The following SPATA13 variants were observed in gnomAD, a reference collection of about 807,000 sequenced individuals.
SPATA13 encodes spermatogenesis-associated protein 13.
A neutral mutation model predicts 104.0 loss-of-function variants in SPATA13; 50 were observed. The ratio of observed to expected loss-of-function variants is 0.48; its 90% confidence interval spans 0.38 to 0.61. The LOEUF (loss-of-function observed/expected upper bound fraction) is 0.61. Among genes scored for constraint, SPATA13 ranks in the 20% least tolerant of loss-of-function variants. The probability of loss-of-function intolerance (pLI) is 0.00; values close to 1 mark genes in which losing one functional copy is unlikely to be tolerated. For synonymous variants in SPATA13, 606 were observed against 667.5 expected, an observed-to-expected ratio of 0.91 and a Z score of 1.42; for missense variants, 1,524 against 1,690.6, an observed-to-expected ratio of 0.90 and a Z score of 1.73.
At position 24,291,742 on chromosome 13, in the gene SPATA13, TTTTTTA is replaced by T. The variant is rs1422429945; in HGVS notation, c.3080+864_3080+869del. ...AAATACACTCTCTCTCTGTCTTTAT[TTTTTTA>T]TTTTTTTATTTTTTTTTTTGAGACG... On this transcript the variant is annotated intron_variant, in intron 9 of 12. Transcript: ENST00000382108. 1.4e-4 allele frequency among the ~76,000 whole-genome samples: 10 copies of T among 72,074 alleles called. 1 individual carries two copies. Among genetic ancestry groups the T allele is most frequent in the African/African-American group, 4.6e-4 (8 of 17,452 alleles). The allele number at this position is 72,074 out of a possible 152,430, so 47.3% of individuals were successfully genotyped here. A position where few individuals can be genotyped will look rare whatever the true frequency, so the allele number is the denominator to read the frequency against.
intron 4 of SPATA13, among the ~76,000 whole-genome samples, chr13:24,278,129 C>G (rs1415333416): frequency 6.6e-6 from 1 of 152,132 alleles, no homozygotes; most frequent in African/African-American, 2.4e-5. Flanking sequence ...CGGCTGCTCT[C>G]CAGAATGGGA....
At chr13:24,160,445 T>A (rs189817953), upstream of SPATA13, among the ~76,000 whole-genome samples, 2 of 152,072 alleles carry the variant, frequency 1.3e-5, no homozygotes, top group African/African-American at 4.8e-5. Context: ...GGTTTCACCA[T>A]GTTGGCCAAG....
intron 3 of SPATA13, among the ~76,000 whole-genome samples, chr13:24,116,483 G>C (rs374678681): frequency 3.3e-5 from 5 of 152,154 alleles, no homozygotes; most frequent in Non-Finnish European, 7.3e-5. Context: ...GGTGGCTGCC[G>C]CAGTAGCATT....
At chr13:24,283,495 G>C (rs140239620) in intron 4 of SPATA13, among the ~76,000 whole-genome samples, 44 of 152,330 alleles carry the variant, frequency 2.9e-4, no homozygotes, top group African/African-American at 1.0e-3. Context: ...CTTTGCCAAG[G>C]GTGGCTCATT....
intron 1 of SPATA13, among the ~76,000 whole-genome samples, chr13:24,171,953 T>A (rs966067261): frequency 2.0e-5 from 3 of 152,168 alleles, no homozygotes; most frequent in Admixed American, 6.5e-5. Context: ...CATTTTTAGA[T>A]CATTCGGAGG....
chr13:24,147,378 T>A (rs895337211), intron 3 of SPATA13, among the ~76,000 whole-genome samples: 7 of 152,104 alleles, frequency 4.6e-5, no homozygotes, highest in African/African-American at 1.4e-4. Context: ...AGGGGCAGAG[T>A]GTCACCATCA....
intron 3 of SPATA13, among the ~76,000 whole-genome samples, chr13:24,095,257 A>G (rs1233089047): frequency 6.6e-6 from 1 of 152,288 alleles, no homozygotes; most frequent in Non-Finnish European, 1.5e-5. Context: ...AGCCTGTTAC[A>G]TGCTATAACA....
At chr13:24,062,055 T>C (rs1335057527) in intron 3 of SPATA13, among the ~76,000 whole-genome samples, 1 of 152,214 alleles carries the variant, frequency 6.6e-6, no homozygotes, top group African/African-American at 2.4e-5. Flanking sequence ...AGAGGTGTTA[T>C]GTGCGATGGA....
chr13:24,195,078 A>G (rs546219975), intron 1 of SPATA13, among the ~76,000 whole-genome samples: 4 of 152,306 alleles, frequency 2.6e-5, no homozygotes, highest in Admixed American at 6.5e-5. Flanking sequence ...CCCCGCAAAG[A>G]AACCCCAATT....
At chr13:24,122,315 T>C in intron 3 of SPATA13, 1 of 1,396,978 alleles carries the variant, frequency 7.2e-7, no homozygotes, top group South Asian at 1.2e-5. Context: ...AAACTATCGA[T>C]TTGAATAGTT....
At chr13:24,055,419 C>T (rs528912829) in intron 3 of SPATA13, among the ~76,000 whole-genome samples, 1 of 152,252 alleles carries the variant, frequency 6.6e-6, no homozygotes, top group East Asian at 1.9e-4. Context: ...TTCTGTCTGC[C>T]TAGGGAGATG....
intron 2 of SPATA13, among the ~76,000 whole-genome samples, chr13:24,236,723 A>C (rs1219236474): frequency 6.6e-6 from 1 of 152,102 alleles, no homozygotes; most frequent in Non-Finnish European, 1.5e-5. Context: ...TAGAATGGCT[A>C]CTATAAAAAA....
At chr13:24,215,066 C>T (rs1018378481) in intron 1 of SPATA13, among the ~76,000 whole-genome samples, 12 of 152,292 alleles carry the variant, frequency 7.9e-5, no homozygotes, top group African/African-American at 1.9e-4. Context: ...TCCCTGAGGA[C>T]GCGCTGGCAA....
chr13:24,188,997 C>T (rs1032428732), intron 1 of SPATA13, among the ~76,000 whole-genome samples: 1 of 152,170 alleles, frequency 6.6e-6, no homozygotes, highest in African/African-American at 2.4e-5. Flanking sequence ...TTGAGACCTA[C>T]TGTTTAGAAA....
intron 3 of SPATA13, among the ~76,000 whole-genome samples, chr13:24,130,184 A>G (rs1881348461): frequency 6.6e-6 from 1 of 152,160 alleles, no homozygotes; most frequent in Non-Finnish European, 1.5e-5. Flanking sequence ...TGTGAAGGGA[A>G]TCATTCAGGG....
chr13:24,140,105 A>G (rs1195451362), intron 3 of SPATA13, among the ~76,000 whole-genome samples: 1 of 152,090 alleles, frequency 6.6e-6, no homozygotes, highest in Non-Finnish European at 1.5e-5. Flanking sequence ...CATGCAAAGT[A>G]TACCCATCTC....
intron 3 of SPATA13, among the ~76,000 whole-genome samples, chr13:24,031,543 A>G (rs1045985809): frequency 2.0e-5 from 3 of 152,340 alleles, no homozygotes; most frequent in Admixed American, 1.3e-4. Flanking sequence ...ACTTAAAGAA[A>G]TTAAATGGCC....
At position 24,160,832 on chromosome 13, in the gene SPATA13, G is replaced by A; in HGVS notation, c.-212G>A. 1 of 985,396 alleles carries A rather than the reference G, an allele frequency of 1.0e-6. No individual in the cohort carries two copies. The highest frequency in any genetic ancestry group is 1.2e-6 in the Non-Finnish European group (1 of 829,898). The allele number at this position is 985,396 out of a possible 1,614,324, so 61.0% of individuals were successfully genotyped here. On this transcript the variant is annotated 5_prime_UTR_variant, in exon 1 of 13. Coordinates refer to ENST00000382108, the MANE Select transcript of SPATA13 (RefSeq NM_001166271.3). ...CTGGATCCCAGGCTCCTCCGAGAGTGCGGCGACCTCGGGGCTCCGCCGGCA... is the reference window on the plus strand; with the variant it reads ...CTGGATCCCAGGCTCCTCCGAGAGTACGGCGACCTCGGGGCTCCGCCGGCA...
intron 3 of SPATA13, among the ~76,000 whole-genome samples, chr13:24,025,480 A>G (rs1877169794): frequency 6.6e-6 from 1 of 152,194 alleles, no homozygotes; most frequent in South Asian, 2.1e-4. Flanking sequence ...TCCTTAGGAC[A>G]TATATTTAGG....
Sources: allele counts gnomAD v4.1 joint callset (sites outside exome capture counted in the v4.1 genomes callset), GRCh38; gene constraint gnomAD v4.1.1; transcripts MANE v1.5; gene names NCBI Gene and HGNC (gene_info 2026-07-23, HGNC 2026-07-21).